The following SLC25A23 variants were observed in gnomAD, a reference collection of about 807,000 sequenced individuals.
SLC25A23 encodes solute carrier family 25 member 23, also known as mitochondrial adenyl nucleotide antiporter SLC25A23.
In SLC25A23, 32 loss-of-function variants were observed where a neutral mutation model predicts 53.9. That is an observed-to-expected ratio of 0.59 (90% CI 0.45 to 0.80). The LOEUF is 0.80. Ranked by LOEUF, SLC25A23 falls within the 30% of genes least tolerant of loss-of-function variation. The pLI is 0.00. For missense variants in SLC25A23, 575 were observed against 651.4 expected (o/e 0.88, Z 1.28); for synonymous variants, 275 against 264.5 (o/e 1.04, Z -0.38).
chr19:6,451,668 T>C (rs1205538172), intron 8 of SLC25A23, among the ~76,000 whole-genome samples: 5 of 152,130 alleles, frequency 3.3e-5, no homozygotes, highest in Non-Finnish European at 7.3e-5. Flanking sequence ...CCTGCCTGTG[T>C]TGATAAAGGT....
Position 6,442,161 on chromosome 19 carries a change from T to TGGGTGGGGGGG in SLC25A23, c.1223-3_1223-2insCCCCCCCACCC. ...GCTGGGGGCCACCCTCGATGGAGGC[T>TGGGTGGGGGGG]GGGAGGGGGCGGGGGGGGCACCAGG... On this transcript the variant is annotated splice_region_variant and splice_polypyrimidine_tract_variant and intron_variant, in intron 9 of 9. Transcript: ENST00000301454. 1.3e-6 allele frequency: 1 copy of TGGGTGGGGGGG among 747,912 alleles called. No homozygotes were observed. The highest frequency in any genetic ancestry group is 2.0e-6 in the Non-Finnish European group (1 of 504,226). 46.3% of individuals were successfully genotyped at this position (747,912 alleles called of 1,614,324 possible).
In SLC25A23 at chr19:6,459,666, C is replaced by G. The variant is rs118160965; in HGVS notation, c.-38G>C. On this transcript the variant is annotated 5_prime_UTR_variant, in exon 1 of 10. Transcript: ENST00000301454. The surrounding 1 kb of genome is among the most constrained non-coding windows in gnomAD (Gnocchi z 4.6). ...GGGGGGAGGGGAGGCCCGGCAGCGG[C>G]GGCCTCAGTGGGGGCTTCGCGGCTC... 3.8e-6 allele frequency: 5 copies of G among 1,314,618 alleles called. No individual in the cohort carries two copies. In the Admixed American group the frequency reaches 2.0e-4, roughly 54 times the overall value. The allele number at this position is 1,314,618 out of a possible 1,614,324, so 81.4% of individuals were successfully genotyped here.
chr19:6,450,061 T>A (rs1599320304), intron 8 of SLC25A23, among the ~76,000 whole-genome samples: 2 of 152,034 alleles, frequency 1.3e-5, no homozygotes. Context: ...TTTCACCATG[T>A]TGGCCAGGCT....
intron 9 of SLC25A23, among the ~76,000 whole-genome samples, chr19:6,442,739 C>T (rs761461219): frequency 7.2e-5 from 11 of 152,108 alleles, no homozygotes; most frequent in Admixed American, 1.3e-4. Context: ...ATAGTAGAGA[C>T]GGGGTTTCTC....
rs889171110 is a variant in SLC25A23 at position 6,443,545 on chromosome 19, C to T, written c.1222+606G>A. On this transcript the variant is annotated intron_variant, in intron 9 of 9. Coordinates refer to ENST00000301454, the MANE Select transcript of SLC25A23 (RefSeq NM_024103.3). ...GCCCGGCCTCCTTCTCCCCTTTATA[C>T]AACCCTAAATCAATACTTAATTCCA... is the stretch of plus-strand genomic sequence containing the variant. 3 of 700,702 alleles carry T rather than the reference C, an allele frequency of 4.3e-6. No homozygotes were observed. In the East Asian group the frequency reaches 8.1e-5, roughly 19 times the overall value. The allele number at this position is 700,702 out of a possible 1,614,324, so 43.4% of individuals were successfully genotyped here. A position where few individuals can be genotyped will look rare whatever the true frequency, so the allele number is the denominator to read the frequency against.
Position 6,458,186 on chromosome 19 carries a change from G to GC in SLC25A23, c.283+11dup, listed in dbSNP as rs1568380096. 6.2e-7 allele frequency: 1 copy of GC among 1,612,436 alleles called. No homozygotes were observed. The highest frequency in any genetic ancestry group is 1.1e-5 in the South Asian group (1 of 91,016). On this transcript the variant is annotated intron_variant, in intron 2 of 9. Coordinates refer to ENST00000301454, the MANE Select transcript of SLC25A23 (RefSeq NM_024103.3). Reference sequence around the variant, plus strand: ...ATCCCTTGGGGCCTGCAGGCAGGTCGCCCGACCTTACCATCCTGGTTCCGG... The same window carrying GC: ...ATCCCTTGGGGCCTGCAGGCAGGTCGCCCCGACCTTACCATCCTGGTTCCGG...
intron 8 of SLC25A23, among the ~76,000 whole-genome samples, chr19:6,448,441 CGGGTGTGGTG>C (rs2092538120): frequency 1.3e-5 from 2 of 150,832 alleles, no homozygotes; most frequent in South Asian, 4.2e-4. Flanking sequence ...TAAAGACGGC[CGGGTGTGGTG>C]GCTCATGCCT....
chr19:6,443,237 C>T (rs1007842714), intron 9 of SLC25A23, among the ~76,000 whole-genome samples: 1 of 151,978 alleles, frequency 6.6e-6, no homozygotes, highest in African/African-American at 2.4e-5. Context: ...CTACCCCTGG[C>T]TCCCACCCAC....
Position 6,452,359 on chromosome 19 carries a change from C to A in SLC25A23, c.1024G>T (p.Val342Leu). The A allele has an allele frequency of 6.2e-7, 1 of 1,613,676 alleles. No homozygotes were observed. The highest frequency in any genetic ancestry group is 8.5e-7 in the Non-Finnish European group (1 of 1,179,848). Residue 342 changes from valine to leucine, a missense_variant, in exon 8 of 10, where the codon GTG (valine) becomes TTG (leucine). By Grantham distance (32) the Val-to-Leu change is conservative. Coordinates refer to ENST00000301454, the MANE Select transcript of SLC25A23 (RefSeq NM_024103.3). ...RAFYRGYLPN[V>L]LGIIPYAGID... ...CCCGCATAGGGGATGATGCCCAGCA[C>A]GTTGGGGAGGTAGCCGCGGTAGAAG...
chr19:6,439,172 A>G (rs1284922142), downstream of SLC25A23, among the ~76,000 whole-genome samples: 2 of 152,026 alleles, frequency 1.3e-5, no homozygotes, highest in African/African-American at 2.4e-5. Context: ...GTGAGCCGAG[A>G]TCGCACCACT....
Position 6,454,808 on chromosome 19 carries a change from T to C in SLC25A23, c.484-91A>G. ...ATAGGGGAGTCTCCTCTATGAATCC[T>C]AGGATACCCTAGAGTCTGCCAATGA... On this transcript the variant is annotated intron_variant, in intron 4 of 9. Coordinates refer to ENST00000301454, the MANE Select transcript of SLC25A23 (RefSeq NM_024103.3). This position sits in a 1 kb window ranked among gnomAD's most constrained non-coding sequence, Gnocchi z 4.3. 6.9e-7 allele frequency: 1 copy of C among 1,452,566 alleles called. No individual in the cohort carries two copies. The allele number at this position is 1,452,566 out of a possible 1,614,324, so 90.0% of individuals were successfully genotyped here.
intron 8 of SLC25A23, among the ~76,000 whole-genome samples, chr19:6,449,471 G>A (rs559020521): frequency 3.0e-4 from 45 of 151,196 alleles, no homozygotes; most frequent in African/African-American, 9.7e-4. Context: ...CTGGAGTGCA[G>A]TGGCACGATC....
intron 2 of SLC25A23, 152 bp downstream of exon 2, chr19:6,458,046 G>A (rs1248506834): frequency 1.9e-6 from 2 of 1,035,208 alleles, no homozygotes; most frequent in African/African-American, 3.2e-5. Context: ...TAGCTAGGGG[G>A]TGAGGAGTGC....
At position 6,456,397 on chromosome 19, in the gene SLC25A23, G is replaced by A. The variant is rs767001991; in HGVS notation, c.483+23C>T. The A allele has an allele frequency of 1.7e-5, 28 of 1,607,610 alleles. 1 individual carries two copies. In the South Asian group the frequency reaches 3.1e-4, roughly 18 times the overall value. On this transcript the variant is annotated intron_variant, in intron 4 of 9. Coordinates refer to ENST00000301454, the MANE Select transcript of SLC25A23 (RefSeq NM_024103.3). ...GGGGAAGAGGGCACAGCCTTCAGCT[G>A]GGGAAAGCCACCCCCACCTCACCGT...
rs141973094 is a variant in SLC25A23, at chr19:6,458,263, C to T, written c.218G>A (p.Arg73His). ...DGGLDLEEFSRYLQEREQRLL... is the reference protein window; with the variant it reads ...DGGLDLEEFSHYLQEREQRLL... ...ACGCTGTTCCCGCTCCTGCAGATAG[C>T]GGGAAAATTCCTCCAGGTCGAGCCC... The change falls in exon 2 of 10, where the codon CGC becomes CAC. Residue 73 changes from arginine to histidine, a missense_variant. Transcript: ENST00000301454. 31 of 1,613,558 alleles carry T rather than the reference C, an allele frequency of 1.9e-5. No homozygotes were observed. The highest frequency in any genetic ancestry group is 1.6e-4 in the Middle Eastern group (1 of 6,062).
chr19:6,444,087 T>G (rs1288496127), intron 9 of SLC25A23, 64 bp downstream of exon 9: 63 of 1,454,720 alleles, frequency 4.3e-5, no homozygotes, highest in Non-Finnish European at 5.6e-5. Context: ...AGGGCTCTAC[T>G]TGGGAGAAGC....
At chr19:6,445,114 CT>C (rs200927092) in intron 8 of SLC25A23, among the ~76,000 whole-genome samples, 45 of 148,146 alleles carry the variant, frequency 3.0e-4, no homozygotes, top group African/African-American at 9.9e-4. Context: ...AAGGCCCCTT[CT>C]TTTTTTTTTC....
At chr19:6,453,325 C>T (rs534323102) in intron 7 of SLC25A23, among the ~76,000 whole-genome samples, 13 of 150,430 alleles carry the variant, frequency 8.6e-5, no homozygotes, top group South Asian at 6.4e-4. Context: ...CTGCAACCAC[C>T]GCCTCCCAGG....
rs1024821991 is a variant in SLC25A23, at chr19:6,442,934, CTTTTTTTTT to C, written c.1223-784_1223-776del. Among the ~76,000 whole-genome samples the C allele has an allele frequency of 4.4e-5, 5 of 113,150 alleles. No homozygotes were observed. In the East Asian group the frequency reaches 1.4e-3, roughly 33 times the overall value. 74.2% of individuals were successfully genotyped at this position (113,150 alleles called of 152,430 possible). A position where few individuals can be genotyped will look rare whatever the true frequency, so the allele number is the denominator to read the frequency against. On this transcript the variant is annotated intron_variant, in intron 9 of 9. Coordinates refer to ENST00000301454, the MANE Select transcript of SLC25A23 (RefSeq NM_024103.3). ...CAGGCGTGTGCCACCATGCCCAGCC[CTTTTTTTTT>C]TTTTTTTTTTTGAGACAGAGTTTTC... is the stretch of plus-strand genomic sequence containing the variant.
Sources: gnomAD v4.1 joint callset for allele counts (sites outside exome capture counted in the v4.1 genomes callset) on GRCh38, gnomAD v4.1.1 for gene constraint, Gnocchi (gnomAD v3.1) non-coding constraint, MANE v1.5 for transcripts, NCBI Gene and HGNC (gene_info 2026-07-23, HGNC 2026-07-21) for gene names.